Variants in GRXCR1 observed in about 807,000 individuals in gnomAD.
GRXCR1 encodes the protein glutaredoxin and cysteine rich domain containing 1.
Under a neutral mutation model 27.3 loss-of-function variants are expected in GRXCR1, and 27 were observed. The ratio of observed to expected loss-of-function variants is 0.99; its 90% CI spans 0.73 to 1.37. The LOEUF (loss-of-function observed/expected upper bound fraction) is 1.37, where lower values mean the gene tolerates loss of function less well. Ranked by LOEUF, GRXCR1 falls within the 40% of genes most tolerant of loss-of-function variation. The probability of loss-of-function intolerance (pLI) is 0.00; values close to 1 mark genes in which losing one functional copy is unlikely to be tolerated. For missense variants in GRXCR1, 379 were observed against 354.4 expected (o/e 1.07, Z -0.56); for synonymous variants, 122 against 131.1 (o/e 0.93, Z 0.47).
intron 2 of GRXCR1, among the ~76,000 whole-genome samples, chr4:43,009,396 C>T (rs1335888115): frequency 6.6e-6 from 1 of 152,164 alleles, no homozygotes; most frequent in East Asian, 1.9e-4. Context: ...TGTCCTCCAA[C>T]TCTCTCTACT....
chr4:42,908,207 T>C lies in GRXCR1; in HGVS notation c.384+14557T>C, dbSNP rs185313533. 1.2e-4 allele frequency among the ~76,000 whole-genome samples: 18 copies of C among 152,300 alleles called. No homozygotes were observed. The East Asian group carries it at 3.5e-3, about 29-fold the overall frequency. On this transcript the variant is annotated intron_variant, in intron 1 of 3. Coordinates refer to ENST00000399770, the MANE Select transcript of GRXCR1 (RefSeq NM_001080476.3). Reference sequence around the variant, plus strand: ...GAACCTGCTTGAGCCTGAGCTTAGATAAGCCACCTTTATTTTACACTGAAT... The same window carrying C: ...GAACCTGCTTGAGCCTGAGCTTAGACAAGCCACCTTTATTTTACACTGAAT...
At chr4:42,991,256 A>C (rs1184199314) in intron 2 of GRXCR1, among the ~76,000 whole-genome samples, 1 of 152,186 alleles carries the variant, frequency 6.6e-6, no homozygotes, top group Non-Finnish European at 1.5e-5. Flanking sequence ...GTAAACAAAA[A>C]CATAATTGGA....
At chr4:42,919,356 G>C (rs1014997858) in intron 1 of GRXCR1, among the ~76,000 whole-genome samples, 1 of 152,108 alleles carries the variant, frequency 6.6e-6, no homozygotes, top group Non-Finnish European at 1.5e-5. Flanking sequence ...TCCTTCATGT[G>C]TACATTGCTT....
chr4:42,951,224 T>C (rs1263408245), intron 1 of GRXCR1, among the ~76,000 whole-genome samples: 1 of 152,194 alleles, frequency 6.6e-6, no homozygotes, highest in Admixed American at 6.5e-5. Context: ...TTTTGTTCTA[T>C]TCACTCACTC....
intron 2 of GRXCR1, among the ~76,000 whole-genome samples, chr4:42,992,479 C>T (rs1282414565): frequency 3.3e-5 from 5 of 151,914 alleles, no homozygotes; most frequent in Non-Finnish European, 5.9e-5. Context: ...TTTTCTGCCT[C>T]GAAGATTGCC....
At chr4:42,916,858 T>G (rs1229355054) in intron 1 of GRXCR1, among the ~76,000 whole-genome samples, 2 of 152,160 alleles carry the variant, frequency 1.3e-5, no homozygotes, top group African/African-American at 4.8e-5. Flanking sequence ...GTTTTTAGAA[T>G]GAAGTTTGCA....
intron 2 of GRXCR1, among the ~76,000 whole-genome samples, chr4:42,965,013 G>A (rs926409432): frequency 2.6e-5 from 4 of 151,948 alleles, no homozygotes; most frequent in African/African-American, 4.8e-5. Flanking sequence ...AAAATTAGTG[G>A]GCAACTGCCT....
intron 2 of GRXCR1, among the ~76,000 whole-genome samples, chr4:42,973,344 T>A (rs1748431804): frequency 6.6e-6 from 1 of 152,296 alleles, no homozygotes; most frequent in African/African-American, 2.4e-5. Context: ...TCTATTGTGA[T>A]CCACATAACA....
At chr4:43,023,465 C>T (rs1022515338) in intron 3 of GRXCR1, among the ~76,000 whole-genome samples, 14 of 152,128 alleles carry the variant, frequency 9.2e-5, no homozygotes, top group African/African-American at 3.1e-4. Context: ...GCTGGGGAAG[C>T]TGAGTCGATC....
chr4:42,932,623 G>T (rs4036081), intron 1 of GRXCR1, among the ~76,000 whole-genome samples: 824 of 26,040 alleles, frequency 0.032, 3 homozygotes, highest in East Asian at 0.051. Flanking sequence ...TATATATAGA[G>T]AGAGAGAGAG....
chr4:42,985,187 T>C (rs1289577952), intron 2 of GRXCR1, among the ~76,000 whole-genome samples: 1 of 152,218 alleles, frequency 6.6e-6, no homozygotes, highest in Non-Finnish European at 1.5e-5. Flanking sequence ...TTGATATTTC[T>C]GTGAGGCGGC....
At chr4:43,029,353 T>C (rs1324714522) in intron 3 of GRXCR1, among the ~76,000 whole-genome samples, 1 of 152,180 alleles carries the variant, frequency 6.6e-6, no homozygotes, top group Non-Finnish European at 1.5e-5. Context: ...TGTATCCACA[T>C]TTCCTGAGCT....
chr4:42,989,914 T>C (rs576382367), intron 2 of GRXCR1, among the ~76,000 whole-genome samples: 45 of 152,142 alleles, frequency 3.0e-4, no homozygotes, highest in Middle Eastern at 3.2e-3. Flanking sequence ...GGTATTAATA[T>C]ATTATCATTT....
intron 2 of GRXCR1, among the ~76,000 whole-genome samples, chr4:42,983,405 A>G (rs891609663): frequency 5.3e-5 from 8 of 150,912 alleles, no homozygotes; most frequent in Non-Finnish European, 8.8e-5. Flanking sequence ...GTTCTGTTCC[A>G]TTGATCTATA....
chr4:42,980,465 A>T (rs1376955835), intron 2 of GRXCR1, among the ~76,000 whole-genome samples: 1 of 151,668 alleles, frequency 6.6e-6, no homozygotes, highest in Non-Finnish European at 1.5e-5. Flanking sequence ...TTCTCCTGTT[A>T]TTGGTTTCTA....
intron 1 of GRXCR1, among the ~76,000 whole-genome samples, chr4:42,949,732 G>T (rs2109768249): frequency 6.6e-6 from 1 of 152,240 alleles, no homozygotes; most frequent in Admixed American, 6.5e-5. Context: ...AGTGTATTTA[G>T]GTGACACTGG....
intron 2 of GRXCR1, among the ~76,000 whole-genome samples, chr4:42,991,909 G>C: frequency 6.6e-6 from 1 of 152,110 alleles, no homozygotes; most frequent in East Asian, 1.9e-4. Flanking sequence ...AAGAACAAGT[G>C]TTGTTTTGAA....
At chr4:42,956,950 C>T (rs1012148819) in intron 1 of GRXCR1, among the ~76,000 whole-genome samples, 1 of 152,074 alleles carries the variant, frequency 6.6e-6, no homozygotes, top group Admixed American at 6.6e-5. Flanking sequence ...TAAAATACAA[C>T]ATGGCTATAA....
At chr4:42,983,023 A>G (rs1295250642) in intron 2 of GRXCR1, among the ~76,000 whole-genome samples, 3 of 151,936 alleles carry the variant, frequency 2.0e-5, no homozygotes, top group Admixed American at 6.6e-5. Flanking sequence ...CACTCTGATG[A>G]TAGTTTCTTT....
Sources: allele counts gnomAD v4.1 joint callset (sites outside exome capture counted in the v4.1 genomes callset), GRCh38; gene constraint gnomAD v4.1.1; transcripts MANE v1.5; gene names NCBI Gene and HGNC (gene_info 2026-07-23, HGNC 2026-07-21).